The following PLCB1 variants were observed in gnomAD, a reference collection of about 807,000 sequenced individuals.
PLCB1 encodes the protein phospholipase C beta 1.
Under a neutral mutation model 161.8 loss-of-function variants are expected in PLCB1, and 46 were observed. The observed-to-expected ratio is 0.28, with a 90% CI of 0.22 to 0.36. PLCB1 has a LOEUF of 0.36. Among genes scored for constraint, PLCB1 ranks in the 10% least tolerant of loss-of-function variants. PLCB1 has a pLI of 1.00. For synonymous variants in PLCB1, 517 were observed against 503.7 expected (o/e 1.03, Z -0.35); for missense variants, 1,016 against 1,472.5 (o/e 0.69, Z 5.07).
At chr20:8,845,852 T>C (rs549446188) in intron 31 of PLCB1, among the ~76,000 whole-genome samples, 1 of 152,356 alleles carries the variant, frequency 6.6e-6, no homozygotes, top group Admixed American at 6.5e-5. Flanking sequence ...AACAGTTATA[T>C]AATACAATAC....
At chr20:8,859,935 C>A (rs1987199030) in intron 31 of PLCB1, among the ~76,000 whole-genome samples, 1 of 152,014 alleles carries the variant, frequency 6.6e-6, no homozygotes, top group Non-Finnish European at 1.5e-5. Flanking sequence ...ATAAAAGCTT[C>A]CACTAACTTT....
intron 3 of PLCB1, among the ~76,000 whole-genome samples, chr20:8,607,033 G>A (rs778977741): frequency 2.0e-5 from 3 of 152,116 alleles, no homozygotes; most frequent in Admixed American, 1.3e-4. Context: ...CCCTAATATC[G>A]GGCTTGATAA....
chr20:8,548,154 CTCTT>C (rs1568503374), intron 3 of PLCB1, among the ~76,000 whole-genome samples: 3 of 148,702 alleles, frequency 2.0e-5, no homozygotes, highest in African/African-American at 7.4e-5. Flanking sequence ...CTTTCTTTCT[CTCTT>C]TCTCTTTTTT....
intron 19 of PLCB1, among the ~76,000 whole-genome samples, chr20:8,734,587 T>C (rs1371350994): frequency 6.6e-6 from 1 of 152,016 alleles, no homozygotes; most frequent in Non-Finnish European, 1.5e-5. Flanking sequence ...CACATACATA[T>C]GTATATCTGA....
chr20:8,645,379 T>G (rs778277564), intron 4 of PLCB1, among the ~76,000 whole-genome samples: 1 of 152,250 alleles, frequency 6.6e-6, no homozygotes, highest in South Asian at 2.1e-4. Flanking sequence ...TATCAGATGA[T>G]GACCTAGGTC....
intron 9 of PLCB1, among the ~76,000 whole-genome samples, chr20:8,670,226 A>G (rs916072052): frequency 6.6e-6 from 1 of 152,188 alleles, no homozygotes; most frequent in Non-Finnish European, 1.5e-5. Context: ...TCTTGGGACA[A>G]CTTTGCTTAT....
chr20:8,718,525 C>G (rs1303917952), intron 14 of PLCB1, among the ~76,000 whole-genome samples: 1 of 152,172 alleles, frequency 6.6e-6, no homozygotes, highest in Non-Finnish European at 1.5e-5. Context: ...AGCTTCAAAG[C>G]CAGCAAGGCT....
At chr20:8,686,690 A>G (rs1346681920) in intron 10 of PLCB1, among the ~76,000 whole-genome samples, 1 of 152,148 alleles carries the variant, frequency 6.6e-6, no homozygotes, top group African/African-American at 2.4e-5. Context: ...CTTTTGAGAG[A>G]CCAAATTGTC....
At chr20:8,492,693 G>A (rs1982994772) in intron 3 of PLCB1, among the ~76,000 whole-genome samples, 2 of 151,992 alleles carry the variant, frequency 1.3e-5, no homozygotes, top group Non-Finnish European at 2.9e-5. Flanking sequence ...ACATAAGTCA[G>A]GAACTAAGAG....
chr20:8,643,265 T>C (rs1191237164), intron 4 of PLCB1, among the ~76,000 whole-genome samples: 1 of 152,236 alleles, frequency 6.6e-6, no homozygotes, highest in Admixed American at 6.5e-5. Flanking sequence ...ATATGCAGCC[T>C]AGCCCTGGCA....
intron 23 of PLCB1, among the ~76,000 whole-genome samples, chr20:8,749,994 C>T (rs1981372312): frequency 6.6e-6 from 1 of 152,016 alleles, no homozygotes; most frequent in Non-Finnish European, 1.5e-5. Flanking sequence ...GTCAGTCACT[C>T]TGATGGCCAT....
Position 8,317,384 on chromosome 20 carries a change from A to G in PLCB1, c.178-53998A>G, listed in dbSNP as rs533956448. 3.3e-4 allele frequency among the ~76,000 whole-genome samples: 50 copies of G among 152,196 alleles called. 1 individual carries two copies. The South Asian group carries it at 9.9e-3, about 30-fold the overall frequency. On this transcript the variant is annotated intron_variant, in intron 2 of 31. Coordinates refer to ENST00000338037, the MANE Select transcript of PLCB1 (RefSeq NM_015192.4). The stretch of plus-strand genomic sequence containing the variant: ...GTCATTATTTATTTTAGCAACATCC[A>G]CCATCATAGATTGTGAGCCCCATGG...
At chr20:8,138,965 TGAGTAACA>T (rs1262480448) in intron 1 of PLCB1, among the ~76,000 whole-genome samples, 2 of 144,038 alleles carry the variant, frequency 1.4e-5, no homozygotes, top group Non-Finnish European at 3.1e-5. Flanking sequence ...TATTATAAAT[TGAGTAACA>T]AACTATTATA....
rs559547549 is a variant in PLCB1 at position 8,430,960 on chromosome 20, A to G, written c.246+59510A>G. ...GGTGACAGAGCAAGACCATGTCTCA[A>G]AAAAAAGAAGAAAAAGGAGAAATTA... is the stretch of plus-strand genomic sequence containing the variant. On this transcript the variant is annotated intron_variant, in intron 3 of 31. Coordinates refer to ENST00000338037, the MANE Select transcript of PLCB1 (RefSeq NM_015192.4). 6.6e-5 allele frequency among the ~76,000 whole-genome samples: 10 copies of G among 152,210 alleles called. No homozygotes were observed. The South Asian group carries it at 8.3e-4, about 13-fold the overall frequency.
intron 27 of PLCB1, among the ~76,000 whole-genome samples, chr20:8,779,379 G>A (rs1031121029): frequency 6.6e-6 from 1 of 151,750 alleles, no homozygotes; most frequent in Non-Finnish European, 1.5e-5. Context: ...GGATATGAAA[G>A]CACAGATATA....
chr20:8,826,347 T>G (rs987231902), intron 31 of PLCB1, among the ~76,000 whole-genome samples: 7 of 151,546 alleles, frequency 4.6e-5, no homozygotes, highest in Non-Finnish European at 8.8e-5. Context: ...TATAAAAAAT[T>G]AGGTGGGCGT....
intron 3 of PLCB1, among the ~76,000 whole-genome samples, chr20:8,397,520 C>T (rs1382562193): frequency 1.3e-5 from 2 of 152,066 alleles, no homozygotes; most frequent in Non-Finnish European, 2.9e-5. Context: ...CCACCCTATT[C>T]CTACCCACCT....
At chr20:8,735,585 T>C (rs577536664) in intron 19 of PLCB1, among the ~76,000 whole-genome samples, 1 of 152,342 alleles carries the variant, frequency 6.6e-6, no homozygotes, top group South Asian at 2.1e-4. Context: ...TCTACCGTCC[T>C]ATGTTACTGA....
At chr20:8,881,539 A>T in intron 31 of PLCB1, 83 bp from the exon 32 acceptor site, 1 of 982,388 alleles carries the variant, frequency 1.0e-6, no homozygotes, top group Non-Finnish European at 1.6e-6. Context: ...CCCCTTTTGT[A>T]TATCTCTTTC....
Sources: gnomAD v4.1 joint callset for allele counts (sites outside exome capture counted in the v4.1 genomes callset) on GRCh38, gnomAD v4.1.1 for gene constraint, MANE v1.5 for transcripts, NCBI Gene and HGNC (gene_info 2026-07-23, HGNC 2026-07-21) for gene names.